CDK8: variants seen among roughly 807,000 people sequenced by gnomAD.
The protein encoded by CDK8 is cyclin-dependent kinase 8.
In CDK8, 29 loss-of-function variants were observed where a neutral mutation model predicts 71.5. The observed-to-expected ratio is 0.41, with a 90% CI of 0.30 to 0.55. CDK8 has a LOEUF of 0.55. CDK8 is among the 20% of genes least tolerant of loss of function. CDK8 has a pLI of 0.37. For synonymous variants in CDK8, 161 were observed against 192.1 expected (o/e 0.84, Z 1.34); for missense variants, 288 against 572.6 (o/e 0.50, Z 5.07).
intron 6 of CDK8, 27 bp from the exon 7 acceptor site, chr13:26,393,338 TTC>T (rs2138062897): frequency 7.0e-7 from 1 of 1,430,026 alleles, no homozygotes; most frequent in East Asian, 2.4e-5. Context: ...CTATTTTTCT[TTC>T]TTTTTTTTTT....
intron 1 of CDK8, among the ~76,000 whole-genome samples, chr13:26,313,371 C>G (rs1874376032): frequency 6.6e-6 from 1 of 152,148 alleles, no homozygotes; most frequent in Admixed American, 6.5e-5. Context: ...TTTTTTGACT[C>G]AGACCAATTC....
At chr13:26,259,259 A>G (rs564781009) in intron 1 of CDK8, among the ~76,000 whole-genome samples, 3 of 152,310 alleles carry the variant, frequency 2.0e-5, no homozygotes, top group Admixed American at 6.5e-5. Context: ...CAGGTCCTGC[A>G]TCTGTAGATT....
At chr13:26,290,843 G>A (rs552135211) in intron 1 of CDK8, among the ~76,000 whole-genome samples, 15 of 152,168 alleles carry the variant, frequency 9.9e-5, no homozygotes, top group Non-Finnish European at 1.8e-4. Context: ...TGGGCCAGGC[G>A]CGGTGGCTCA....
chr13:26,396,413 A>T, intron 8 of CDK8, 59 bp downstream of exon 8: 1 of 654,574 alleles, frequency 1.5e-6, no homozygotes, highest in African/African-American at 1.9e-5. Context: ...TACTCAGTGT[A>T]AGACTGAATA....
At chr13:26,341,942 G>C (rs914045774) in intron 2 of CDK8, among the ~76,000 whole-genome samples, 1 of 150,698 alleles carries the variant, frequency 6.6e-6, no homozygotes, top group Admixed American at 6.6e-5. Flanking sequence ...TTTTTTTTGA[G>C]ACGAAGTCTC....
intron 1 of CDK8, among the ~76,000 whole-genome samples, chr13:26,335,115 C>T (rs771765279): frequency 1.9e-4 from 29 of 152,110 alleles, no homozygotes; most frequent in Non-Finnish European, 2.8e-4. Flanking sequence ...GAAATAATAA[C>T]TCTAACCTCG....
chr13:26,316,932 G>T (rs1185664465), intron 1 of CDK8, among the ~76,000 whole-genome samples: 2 of 151,976 alleles, frequency 1.3e-5, no homozygotes, highest in Middle Eastern at 3.4e-3. Flanking sequence ...ATTAAAGGAA[G>T]ATGTGGAGAA....
intron 1 of CDK8, among the ~76,000 whole-genome samples, chr13:26,297,858 A>G (rs923310968): frequency 6.6e-6 from 1 of 152,170 alleles, no homozygotes. Context: ...TTGAAAGCTG[A>G]AAGAGATCAG....
At chr13:26,274,814 A>G (rs1005869506) in intron 1 of CDK8, among the ~76,000 whole-genome samples, 10 of 152,058 alleles carry the variant, frequency 6.6e-5, no homozygotes, top group African/African-American at 2.4e-4. Context: ...AGAATTTCCA[A>G]TTCTTTGTTT....
intron 1 of CDK8, among the ~76,000 whole-genome samples, chr13:26,298,508 A>T (rs1315535336): frequency 6.6e-6 from 1 of 152,194 alleles, no homozygotes; most frequent in Non-Finnish European, 1.5e-5. Flanking sequence ...AGCAAAGTGG[A>T]TGCCCCTCAA....
At chr13:26,279,478 C>T (rs1208010738) in intron 1 of CDK8, among the ~76,000 whole-genome samples, 3 of 151,884 alleles carry the variant, frequency 2.0e-5, no homozygotes, top group African/African-American at 4.8e-5. Flanking sequence ...AAAAAATCAC[C>T]GGTATAGTTG....
intron 10 of CDK8, 56 bp downstream of exon 10, chr13:26,400,606 T>C: frequency 9.7e-7 from 1 of 1,035,350 alleles, no homozygotes; most frequent in South Asian, 1.3e-5. Flanking sequence ...GAGTATGCTT[T>C]CTTCTGCTTG....
chr13:26,377,068 A>G (rs1874989555), intron 4 of CDK8, among the ~76,000 whole-genome samples: 1 of 152,260 alleles, frequency 6.6e-6, no homozygotes. Flanking sequence ...TTTGATTTGC[A>G]TTGAAGATGA....
intron 9 of CDK8, among the ~76,000 whole-genome samples, chr13:26,398,363 A>G (rs185844169): frequency 6.6e-6 from 1 of 152,248 alleles, no homozygotes; most frequent in Admixed American, 6.5e-5. Context: ...GGGAATTATT[A>G]TTCTCCTTGA....
At chr13:26,319,959 A>G (rs1175711) in intron 1 of CDK8, among the ~76,000 whole-genome samples, 126,195 of 152,110 alleles carry the variant, frequency 0.83, 54,023 homozygotes, top group East Asian at 0.99. Flanking sequence ...TGCTAAGGCC[A>G]TTTAATGGGG....
At chr13:26,348,913 T>C (rs546599731) in intron 2 of CDK8, among the ~76,000 whole-genome samples, 159 bp from the exon 3 acceptor site, 13 of 152,356 alleles carry the variant, frequency 8.5e-5, no homozygotes, top group African/African-American at 3.1e-4. Context: ...ATCTTCTCAT[T>C]TGTTACTGAA....
intron 1 of CDK8, among the ~76,000 whole-genome samples, chr13:26,259,280 T>C (rs965626047): frequency 1.4e-4 from 21 of 152,214 alleles, no homozygotes; most frequent in African/African-American, 5.1e-4. Context: ...CAAGCAACTG[T>C]GGTTCAAAAA....
chr13:26,263,261 G>A (rs1342384052), intron 1 of CDK8, among the ~76,000 whole-genome samples: 1 of 151,610 alleles, frequency 6.6e-6, no homozygotes, highest in South Asian at 2.1e-4. Context: ...TCAGCCTCCC[G>A]AGTAGCTGGG....
intron 4 of CDK8, among the ~76,000 whole-genome samples, chr13:26,371,113 A>G (rs1874662790): frequency 6.6e-6 from 1 of 152,278 alleles, no homozygotes; most frequent in Admixed American, 6.5e-5. Flanking sequence ...CCCCAGCCCC[A>G]GAAGTTTTTA....
Sources: allele counts gnomAD v4.1 joint callset (sites outside exome capture counted in the v4.1 genomes callset), GRCh38; gene constraint gnomAD v4.1.1; transcripts MANE v1.5; gene names NCBI Gene and HGNC (gene_info 2026-07-23, HGNC 2026-07-21).